UST: variants seen among roughly 807,000 people sequenced by gnomAD.
The protein encoded by UST is chondroitin sulfate 2-O-sulfotransferase.
UST carries 21 observed loss-of-function variants against 45.6 expected under a neutral mutation model. That is an observed-to-expected ratio of 0.46 (90% CI 0.33 to 0.66). The LOEUF is 0.66. Among genes scored for constraint, UST ranks in the 30% least tolerant of loss-of-function variants. The probability of loss-of-function intolerance (pLI) is 0.02; values close to 1 mark genes in which losing one functional copy is unlikely to be tolerated. For missense variants in UST, 463 were observed against 512.4 expected (o/e 0.90, Z 0.93); for synonymous variants, 215 against 200.6 (o/e 1.07, Z -0.61).
chr6:148,792,728 A>G (rs1342931554), intron 1 of UST, among the ~76,000 whole-genome samples: 1 of 152,206 alleles, frequency 6.6e-6, no homozygotes, highest in Non-Finnish European at 1.5e-5. Context: ...AGACAAATTT[A>G]ATGTTTAACA....
At chr6:149,067,099 A>C (rs1204345095) in intron 7 of UST, among the ~76,000 whole-genome samples, 1 of 152,192 alleles carries the variant, frequency 6.6e-6, no homozygotes, top group Non-Finnish European at 1.5e-5. Context: ...GAATGGGCCC[A>C]ATGCTCAGAC....
At chr6:148,834,192 G>A (rs747164902) in intron 1 of UST, among the ~76,000 whole-genome samples, 7 of 152,148 alleles carry the variant, frequency 4.6e-5, no homozygotes, top group Non-Finnish European at 1.0e-4. Context: ...CATTTTAACC[G>A]TGAATACATT....
rs188388241 is a variant in UST, at chr6:148,882,123, C to T, written c.248-4863C>T. Among the ~76,000 whole-genome samples, 115 of 152,204 alleles carry T rather than the reference C, an allele frequency of 7.6e-4. 1 individual carries two copies. The highest frequency in any genetic ancestry group is 2.6e-3 in the African/African-American group (109 of 41,532). On this transcript the variant is annotated intron_variant, in intron 1 of 7. Transcript: ENST00000367463. ...GTGAGATAACCGAGATAACAGGGCC[C>T]ATGGTCCAGGTGCCAACACCGAGGA...
chr6:148,841,199 C>T (rs1312624207), intron 1 of UST, among the ~76,000 whole-genome samples: 1 of 151,962 alleles, frequency 6.6e-6, no homozygotes, highest in Admixed American at 6.6e-5. Flanking sequence ...GCAGAAAGAT[C>T]TCCTTTTATT....
rs899100801 is a variant in UST, at chr6:148,748,851, AC to A, written c.247+1178del. Among the ~76,000 whole-genome samples, 6 of 151,800 alleles carry A rather than the reference AC, an allele frequency of 4.0e-5. No individual in the cohort carries two copies. The highest frequency in any genetic ancestry group is 1.5e-4 in the African/African-American group (6 of 41,314). On this transcript the variant is annotated intron_variant, in intron 1 of 7. Coordinates refer to ENST00000367463, the MANE Select transcript of UST (RefSeq NM_005715.3). The surrounding 1 kb of genome is among the most constrained non-coding windows in gnomAD (Gnocchi z 5.3). ...GGGCCAGCTGGAGGCTGCCACAGTT[AC>A]CCCAAACGTCACTTCGTGGCAGAAG... is the stretch of plus-strand genomic sequence containing the variant.
chr6:148,875,408 C>T (rs1448444286), intron 1 of UST, among the ~76,000 whole-genome samples: 1 of 152,120 alleles, frequency 6.6e-6, no homozygotes, highest in Non-Finnish European at 1.5e-5. Context: ...TAGAAAATAT[C>T]AAATAATTAT....
chr6:149,063,053 A>G (rs1776678936), intron 7 of UST, among the ~76,000 whole-genome samples: 1 of 152,122 alleles, frequency 6.6e-6, no homozygotes, highest in African/African-American at 2.4e-5. Flanking sequence ...ACAGATTTTT[A>G]TGTCACTGGG....
chr6:148,922,722 C>T (rs2114898410), intron 2 of UST, among the ~76,000 whole-genome samples: 1 of 151,882 alleles, frequency 6.6e-6, no homozygotes, highest in East Asian at 1.9e-4. Flanking sequence ...ATCCGCCCGC[C>T]TCGGCCTCCC....
intron 5 of UST, among the ~76,000 whole-genome samples, chr6:149,013,772 C>T: frequency 6.6e-6 from 1 of 152,176 alleles, no homozygotes; most frequent in Non-Finnish European, 1.5e-5. Context: ...AGCCAGAAAT[C>T]CTGTCTTTGA....
At position 148,895,231 on chromosome 6, in the gene UST, C is replaced by G. The variant is rs141521904; in HGVS notation, c.291+8202C>G. Among the ~76,000 whole-genome samples, 679 of 152,196 alleles carry G rather than the reference C, an allele frequency of 4.5e-3. 8 individuals are homozygous for G. Among genetic ancestry groups the G allele is most frequent in the African/African-American group, 0.015 (603 of 41,530 alleles). ...CATGTTTTTAGCTGTGTTATTAGCC[C>G]CAACATTCTCTCCAATTTCTTCTAT... is the stretch of plus-strand genomic sequence containing the variant. On this transcript the variant is annotated intron_variant, in intron 2 of 7. Transcript: ENST00000367463.
chr6:148,962,743 G>A (rs959744706), intron 4 of UST, among the ~76,000 whole-genome samples: 2 of 152,194 alleles, frequency 1.3e-5, no homozygotes, highest in African/African-American at 4.8e-5. Context: ...GGGCTCCAGG[G>A]TGTCATTCAT....
intron 1 of UST, among the ~76,000 whole-genome samples, chr6:148,886,646 G>C (rs879441660): frequency 1.3e-5 from 2 of 152,134 alleles, no homozygotes; most frequent in African/African-American, 4.8e-5. Context: ...CAAGCCCTGC[G>C]GGTAATTCTG....
intron 7 of UST, among the ~76,000 whole-genome samples, chr6:149,054,997 C>T (rs1776541201): frequency 6.6e-6 from 1 of 152,204 alleles, no homozygotes; most frequent in South Asian, 2.1e-4. Context: ...ACAGCTCTCA[C>T]AGAAACTCAA....
chr6:149,063,219 C>T (rs1463112098), intron 7 of UST, among the ~76,000 whole-genome samples: 1 of 152,188 alleles, frequency 6.6e-6, no homozygotes, highest in South Asian at 2.1e-4. Context: ...AAAACAATCT[C>T]TATTGTGTTC....
At chr6:148,880,585 A>G (rs1394127501) in intron 1 of UST, among the ~76,000 whole-genome samples, 1 of 152,192 alleles carries the variant, frequency 6.6e-6, no homozygotes, top group Non-Finnish European at 1.5e-5. Flanking sequence ...ACGCCTTTGT[A>G]CCTTTCCATG....
chr6:148,911,184 C>G (rs1192144321), intron 2 of UST, among the ~76,000 whole-genome samples: 1 of 152,116 alleles, frequency 6.6e-6, no homozygotes, highest in East Asian at 1.9e-4. Flanking sequence ...CATGAATTGC[C>G]CCAGGATCGT....
At chr6:148,855,703 T>G (rs1303507012) in intron 1 of UST, among the ~76,000 whole-genome samples, 3 of 152,226 alleles carry the variant, frequency 2.0e-5, no homozygotes, top group Admixed American at 6.5e-5. Flanking sequence ...TTTTTTCACC[T>G]GAGTTTTGCT....
chr6:149,003,562 G>T (rs1467669428), intron 5 of UST, among the ~76,000 whole-genome samples: 2 of 152,192 alleles, frequency 1.3e-5, no homozygotes, highest in Admixed American at 1.3e-4. Flanking sequence ...GAAGGAAAAT[G>T]ATTGTTAGCC....
In UST at chr6:149,074,529, G is replaced by C. The variant is rs1776862888; in HGVS notation, c.*413G>C. Reference sequence around the variant, plus strand: ...AGTGGAAATACAAAACCACTTCAGAGACCAGGGTATCTCCTCTGGAAGGAT... The same window carrying C: ...AGTGGAAATACAAAACCACTTCAGACACCAGGGTATCTCCTCTGGAAGGAT... On this transcript the variant is annotated 3_prime_UTR_variant, in exon 8 of 8. Transcript: ENST00000367463. 5.1e-6 allele frequency: 1 copy of C among 196,106 alleles called. No individual in the cohort carries two copies. Among genetic ancestry groups the C allele is most frequent in the Admixed American group, 5.3e-5 (1 of 18,904 alleles). 12.1% of individuals were successfully genotyped at this position (196,106 alleles called of 1,614,324 possible). A position where few individuals can be genotyped will look rare whatever the true frequency, so the allele number is the denominator to read the frequency against.
Sources: gnomAD v4.1 joint callset for allele counts (sites outside exome capture counted in the v4.1 genomes callset) on GRCh38, gnomAD v4.1.1 for gene constraint, Gnocchi (gnomAD v3.1) non-coding constraint, MANE v1.5 for transcripts, NCBI Gene and HGNC (gene_info 2026-07-23, HGNC 2026-07-21) for gene names.